Variants in TCERG1L observed in about 807,000 individuals in gnomAD.
TCERG1L encodes the protein transcription elongation regulator 1-like protein.
In TCERG1L, 37 loss-of-function variants were observed where a neutral mutation model predicts 56.3. The observed-to-expected ratio is 0.66, with a 90% CI of 0.51 to 0.87. The LOEUF is 0.87. Among genes scored for constraint, TCERG1L ranks in the 40% least tolerant of loss-of-function variants. The probability of loss-of-function intolerance (pLI) is 0.00; values close to 1 mark genes in which losing one functional copy is unlikely to be tolerated. For missense variants in TCERG1L, 799 were observed against 774.2 expected (o/e 1.03, Z -0.38); for synonymous variants, 324 against 326.3 (o/e 0.99, Z 0.08).
rs536732855 is a variant in TCERG1L, at chr10:131,256,437, C to T, written c.856+3822G>A. On this transcript the variant is annotated intron_variant, in intron 4 of 11. Transcript: ENST00000368642. ...CTGGAAGCAAAGAACAGGTGGCAAA[C>T]GGCTTCCCAGGCAGATGGCCCTTTT... Among the ~76,000 whole-genome samples the T allele has an allele frequency of 3.9e-5, 6 of 152,296 alleles. No individual in the cohort carries two copies. In the East Asian group the frequency reaches 5.8e-4, roughly 15 times the overall value.
chr10:131,224,727 C>G (rs952836893), intron 4 of TCERG1L, among the ~76,000 whole-genome samples: 1 of 152,146 alleles, frequency 6.6e-6, no homozygotes, highest in African/African-American at 2.4e-5. Flanking sequence ...CCATCGCAGG[C>G]TCCTGTGGCC....
At chr10:131,240,881 C>T (rs147521933) in intron 4 of TCERG1L, among the ~76,000 whole-genome samples, 230 of 152,308 alleles carry the variant, frequency 1.5e-3, no homozygotes, top group African/African-American at 5.4e-3. Flanking sequence ...GAGAAACCGG[C>T]GTGCAGGTCC....
At chr10:131,150,268 G>A (rs1564802045) in intron 6 of TCERG1L, among the ~76,000 whole-genome samples, 1 of 11,082 alleles carries the variant, frequency 9.0e-5, no homozygotes, top group Non-Finnish European at 8.6e-4. Flanking sequence ...CTCACCCAGA[G>A]GTGGGGGGAC....
chr10:131,195,116 G>T (rs1326207103), intron 4 of TCERG1L, among the ~76,000 whole-genome samples: 1 of 152,170 alleles, frequency 6.6e-6, no homozygotes, highest in African/African-American at 2.4e-5. Context: ...TAAGCACGAG[G>T]AACAGACGTG....
chr10:131,098,517 A>T, intron 10 of TCERG1L, 93 bp from the exon 11 acceptor site: 3 of 1,443,242 alleles, frequency 2.1e-6, no homozygotes. Flanking sequence ...AGCAGCAAGA[A>T]TCTATGGCAA....
chr10:131,254,072 C>A (rs1846142951), intron 4 of TCERG1L, among the ~76,000 whole-genome samples: 1 of 152,240 alleles, frequency 6.6e-6, no homozygotes, highest in East Asian at 1.9e-4. Flanking sequence ...AACCACTGGC[C>A]ACATGAGACA....
At chr10:131,102,133 AT>A (rs1203794522) in intron 10 of TCERG1L, among the ~76,000 whole-genome samples, 1 of 152,228 alleles carries the variant, frequency 6.6e-6, no homozygotes, top group African/African-American at 2.4e-5. Context: ...CTATTGTAGC[AT>A]TTTTTGAGGC....
chr10:131,177,229 C>G (rs11017792), intron 4 of TCERG1L, among the ~76,000 whole-genome samples: 74,902 of 135,248 alleles, frequency 0.55, 21,019 homozygotes, highest in South Asian at 0.79. Flanking sequence ...TATATGAAGA[C>G]ACACACATGT....
At chr10:131,190,881 G>A (rs896107496) in intron 4 of TCERG1L, among the ~76,000 whole-genome samples, 2 of 143,712 alleles carry the variant, frequency 1.4e-5, no homozygotes, top group Admixed American at 6.9e-5. Flanking sequence ...AATTAAACCC[G>A]AGAAAGAAAT....
At chr10:131,233,453 CACAG>C (rs1050520734) in intron 4 of TCERG1L, among the ~76,000 whole-genome samples, 17 of 148,638 alleles carry the variant, frequency 1.1e-4, no homozygotes, top group Middle Eastern at 3.3e-3. Context: ...TACACATGCA[CACAG>C]ACACACACAC....
chr10:131,105,942 C>T (rs1250686873), intron 9 of TCERG1L, among the ~76,000 whole-genome samples: 1 of 152,128 alleles, frequency 6.6e-6, no homozygotes. Context: ...TTTTGGGCAT[C>T]TCCTTAATTT....
At chr10:131,102,804 C>G (rs775228558) in intron 10 of TCERG1L, among the ~76,000 whole-genome samples, 2 of 152,138 alleles carry the variant, frequency 1.3e-5, no homozygotes, top group Non-Finnish European at 2.9e-5. Flanking sequence ...ACGTGATCCA[C>G]GGGCCACACA....
chr10:131,302,221 C>T (rs917635525), intron 3 of TCERG1L, among the ~76,000 whole-genome samples: 6 of 152,036 alleles, frequency 3.9e-5, no homozygotes, highest in Admixed American at 1.3e-4. Flanking sequence ...GCTGTGTCAA[C>T]TTCTGTGTTC....
chr10:131,107,532 C>T (rs1845364958), intron 9 of TCERG1L, among the ~76,000 whole-genome samples: 1 of 152,054 alleles, frequency 6.6e-6, no homozygotes, highest in Non-Finnish European at 1.5e-5. Context: ...GAAGTGAAGG[C>T]CGCACAGCCA....
chr10:131,262,551 TAG>T (rs1846245801), intron 3 of TCERG1L, among the ~76,000 whole-genome samples: 2 of 152,180 alleles, frequency 1.3e-5, no homozygotes, highest in South Asian at 2.1e-4. Flanking sequence ...GGGTAGAAAG[TAG>T]AGAGAGTTCC....
At chr10:131,165,685 C>T (rs1324978126) in intron 5 of TCERG1L, among the ~76,000 whole-genome samples, 1 of 152,090 alleles carries the variant, frequency 6.6e-6, no homozygotes, top group Non-Finnish European at 1.5e-5. Context: ...TGGTAGATTA[C>T]CTCAGCCAAT....
intron 4 of TCERG1L, among the ~76,000 whole-genome samples, chr10:131,225,374 G>A (rs1178583605): frequency 2.0e-5 from 3 of 152,100 alleles, no homozygotes; most frequent in Non-Finnish European, 4.4e-5. Flanking sequence ...AAGCGGCTTC[G>A]GGAAGACCAT....
intron 6 of TCERG1L, among the ~76,000 whole-genome samples, chr10:131,152,544 C>A (rs1052258920): frequency 1.3e-5 from 2 of 152,216 alleles, no homozygotes; most frequent in Non-Finnish European, 1.5e-5. Context: ...CCCTCCAAGT[C>A]TCTAGGAAGT....
chr10:131,213,556 C>G (rs1361402568), intron 4 of TCERG1L, among the ~76,000 whole-genome samples: 2 of 152,208 alleles, frequency 1.3e-5, no homozygotes, highest in Non-Finnish European at 2.9e-5. Flanking sequence ...CTCTGTCTGG[C>G]CCGGCTGCGC....
Sources: gnomAD v4.1 joint callset for allele counts (sites outside exome capture counted in the v4.1 genomes callset) on GRCh38, gnomAD v4.1.1 for gene constraint, MANE v1.5 for transcripts, NCBI Gene and HGNC (gene_info 2026-07-23, HGNC 2026-07-21) for gene names.